Variants in DYNC1LI2 observed in about 807,000 individuals in gnomAD.
The protein encoded by DYNC1LI2 is cytoplasmic dynein 1 light intermediate chain 2.
Under a neutral mutation model 57.8 loss-of-function variants are expected in DYNC1LI2, and 19 were observed. That is an observed-to-expected ratio of 0.33 (90% confidence interval 0.23 to 0.48). DYNC1LI2 has a LOEUF of 0.48. Ranked by LOEUF, DYNC1LI2 falls within the 20% of genes least tolerant of loss-of-function variation. The probability of loss-of-function intolerance (pLI) is 0.99; values close to 1 mark genes in which losing one functional copy is unlikely to be tolerated. For synonymous variants in DYNC1LI2, 256 were observed against 233.4 expected (o/e 1.10, Z -0.88); for missense variants, 470 against 604.2 (o/e 0.78, Z 2.33).
intron 7 of DYNC1LI2, chr16:66,731,183 T>C (rs1420049089): frequency 6.6e-6 from 1 of 152,320 alleles, no homozygotes; most frequent in African/African-American, 2.4e-5. Flanking sequence ...GAGATGCTTC[T>C]TCATTCCAGA....
intron 3 of DYNC1LI2, among the ~76,000 whole-genome samples, chr16:66,744,485 G>T (rs1018170420): frequency 6.6e-6 from 1 of 152,142 alleles, no homozygotes; most frequent in Non-Finnish European, 1.5e-5. Flanking sequence ...GTAATGAAAC[G>T]TGGTTCCAAA....
intron 4 of DYNC1LI2, among the ~76,000 whole-genome samples, chr16:66,742,045 TG>T (rs932219883): frequency 2.6e-4 from 39 of 152,260 alleles, no homozygotes; most frequent in African/African-American, 7.7e-4. Flanking sequence ...AGGGCCTTAA[TG>T]GAATTCCAGG....
At chr16:66,738,884 AACACACAC>A (rs34638723) in intron 4 of DYNC1LI2, 28,864 of 133,280 alleles carry the variant, frequency 0.22, 3,254 homozygotes, top group Admixed American at 0.32. Context: ...AAAAAAAACA[AACACACAC>A]ACACACACAC....
At chr16:66,724,529 C>T (rs547328490) in intron 12 of DYNC1LI2, 1 of 152,288 alleles carries the variant, frequency 6.6e-6, no homozygotes, top group African/African-American at 2.4e-5. Context: ...TATAAACATA[C>T]CTTATAGCCA....
intron 11 of DYNC1LI2, among the ~76,000 whole-genome samples, chr16:66,727,173 C>T (rs1416162497): frequency 1.3e-5 from 2 of 152,180 alleles, no homozygotes; most frequent in Non-Finnish European, 2.9e-5. Flanking sequence ...CCACCTTGGC[C>T]TCCCAGAGTA....
In DYNC1LI2 at chr16:66,736,159, G is replaced by A. The variant is rs570710697; in HGVS notation, c.615C>T (p.Ser205=). The A allele has an allele frequency of 3.3e-5, 54 of 1,614,022 alleles. No individual in the cohort carries two copies. Among genetic ancestry groups the A allele is most frequent in the Middle Eastern group, 1.6e-4 (1 of 6,062 alleles). The change falls in exon 5 of 13, where the codon TCC becomes TCT. Residue 205 remains serine, a synonymous_variant. Coordinates refer to ENST00000258198, the MANE Select transcript of DYNC1LI2 (RefSeq NM_006141.3). The part of the protein sequence containing the change: ...PQRRGPLTSG[S]DEENVALPLG... ...GAGGCAGGGCAACATTTTCTTCATCGGAGCCTGAGGTCAGAGGGCCTCTTC... is the reference window on the plus strand; with the variant it reads ...GAGGCAGGGCAACATTTTCTTCATCAGAGCCTGAGGTCAGAGGGCCTCTTC...
chr16:66,737,183 T>C (rs2017748843), intron 4 of DYNC1LI2, among the ~76,000 whole-genome samples: 2 of 152,056 alleles, frequency 1.3e-5, no homozygotes, highest in South Asian at 2.1e-4. Context: ...TGCTAAGGCA[T>C]GAGAATCGCC....
rs1044199241 is a variant in DYNC1LI2, at chr16:66,722,623, C to T, written c.*1099G>A. On this transcript the variant is annotated 3_prime_UTR_variant, in exon 13 of 13. Transcript: ENST00000258198. ...ACACTTATCTGTCCATCTCATAGCA[C>T]TGATCAGACCAGGAAGCTAGGAAAA... is the stretch of plus-strand genomic sequence containing the variant. 5 of 152,614 alleles carry T rather than the reference C, an allele frequency of 3.3e-5. No individual in the cohort carries two copies. The highest frequency in any genetic ancestry group is 7.3e-5 in the Non-Finnish European group (5 of 68,048). 9.5% of individuals were successfully genotyped at this position (152,614 alleles called of 1,614,324 possible). A position where few individuals can be genotyped will look rare whatever the true frequency, so the allele number is the denominator to read the frequency against.
intron 3 of DYNC1LI2, among the ~76,000 whole-genome samples, chr16:66,745,039 G>T (rs2017910419): frequency 6.6e-6 from 1 of 151,970 alleles, no homozygotes; most frequent in Non-Finnish European, 1.5e-5. Flanking sequence ...CTTCTGAGTA[G>T]CTGGGATTAC....
intron 4 of DYNC1LI2, among the ~76,000 whole-genome samples, chr16:66,741,108 A>C (rs983384279): frequency 6.6e-6 from 1 of 152,160 alleles, no homozygotes; most frequent in African/African-American, 2.4e-5. Flanking sequence ...CCTATCTGGG[A>C]AAAAACAATA....
chr16:66,737,217 A>G (rs983821546), intron 4 of DYNC1LI2, among the ~76,000 whole-genome samples: 2 of 152,138 alleles, frequency 1.3e-5, no homozygotes, highest in Non-Finnish European at 2.9e-5. Flanking sequence ...TGGAGGTTGC[A>G]GTGAGCTAAG....
At chr16:66,729,593 T>G (rs1596987422) in intron 8 of DYNC1LI2, among the ~76,000 whole-genome samples, 1 of 117,422 alleles carries the variant, frequency 8.5e-6, no homozygotes, top group South Asian at 3.0e-4. Flanking sequence ...TTTTTTTTTT[T>G]GAGATGGAGT....
At chr16:66,734,162 T>G in intron 6 of DYNC1LI2, 56 bp downstream of exon 6, 1 of 1,547,868 alleles carries the variant, frequency 6.5e-7, no homozygotes. Flanking sequence ...TCTTTGAAGA[T>G]GCCCCATTTG....
chr16:66,725,723 T>G lies in DYNC1LI2; in HGVS notation c.1378+105A>C, dbSNP rs907066183. 17 of 1,113,678 alleles carry G rather than the reference T, an allele frequency of 1.5e-5. No homozygotes were observed. In the South Asian group the frequency reaches 2.7e-4, roughly 18 times the overall value. 69.0% of individuals were successfully genotyped at this position (1,113,678 alleles called of 1,614,324 possible). ...GGAAATGAAGACCTGCTTCCTTGCT[T>G]GGCTATTCAGGACACTGCAGGGTCT... On this transcript the variant is annotated intron_variant, in intron 12 of 12. Coordinates refer to ENST00000258198, the MANE Select transcript of DYNC1LI2 (RefSeq NM_006141.3).
At chr16:66,734,492 G>T (rs1370184160) in intron 5 of DYNC1LI2, among the ~76,000 whole-genome samples, 181 bp from the exon 6 acceptor site, 1 of 146,134 alleles carries the variant, frequency 6.8e-6, no homozygotes, top group East Asian at 2.0e-4. Context: ...CTTGGGCCTC[G>T]TTTTTTTTTT....
At chr16:66,747,991 A>G (rs1281503775) in intron 3 of DYNC1LI2, among the ~76,000 whole-genome samples, 10 of 152,164 alleles carry the variant, frequency 6.6e-5, no homozygotes, top group Admixed American at 2.6e-4. Context: ...GAATCATTGA[A>G]AAGATCTAAC....
chr16:66,743,862 CTAAT>C (rs1256721300), intron 3 of DYNC1LI2, among the ~76,000 whole-genome samples: 5 of 152,060 alleles, frequency 3.3e-5, no homozygotes, highest in African/African-American at 9.7e-5. Flanking sequence ...TACCAGACGC[CTAAT>C]TATATTGGGG....
chr16:66,748,305 A>AAAAT (rs1441454828), intron 3 of DYNC1LI2, among the ~76,000 whole-genome samples: 1 of 137,384 alleles, frequency 7.3e-6, no homozygotes, highest in African/African-American at 2.8e-5. Context: ...AAAAAAAAAA[A>AAAAT]CTAACATAAA....
At chr16:66,734,141 G>T in intron 6 of DYNC1LI2, 77 bp downstream of exon 6, 2 of 1,351,242 alleles carry the variant, frequency 1.5e-6, no homozygotes, top group African/African-American at 1.4e-5. Flanking sequence ...GGGTTTGGGA[G>T]GTGCTTTATC....
Sources: gnomAD v4.1 joint callset for allele counts (sites outside exome capture counted in the v4.1 genomes callset) on GRCh38, gnomAD v4.1.1 for gene constraint, MANE v1.5 for transcripts, NCBI Gene and HGNC (gene_info 2026-07-23, HGNC 2026-07-21) for gene names.